LGMN: variants seen among roughly 807,000 people sequenced by gnomAD.
The protein encoded by LGMN is asparaginyl endopeptidase.
A neutral mutation model predicts 56.8 loss-of-function variants in LGMN; 36 were observed. The ratio of observed to expected loss-of-function variants is 0.63; its 90% CI spans 0.49 to 0.84. LGMN has a LOEUF of 0.84. Among genes scored for constraint, LGMN ranks in the 40% least tolerant of loss-of-function variants. The pLI, the probability that LGMN is intolerant of heterozygous loss-of-function variation, is 0.00. For missense variants in LGMN, 446 were observed against 556.1 expected, an observed-to-expected ratio of 0.80 and a Z score of 1.99; for synonymous variants, 199 against 210.1, an observed-to-expected ratio of 0.95 and a Z score of 0.46.
At chr14:92,708,855 T>TGAAAAAAAA (rs1889578533) in intron 11 of LGMN, among the ~76,000 whole-genome samples, 2 of 25,926 alleles carry the variant, frequency 7.7e-5, no homozygotes, top group African/African-American at 3.4e-4. Flanking sequence ...GACTCTTGTC[T>TGAAAAAAAA]CAAAAAAAAA....
chr14:92,744,673 A>G (rs1197662358), intron 1 of LGMN, among the ~76,000 whole-genome samples: 1 of 142,964 alleles, frequency 7.0e-6, no homozygotes, highest in African/African-American at 2.7e-5. Flanking sequence ...TTGGCTCACC[A>G]CAACCTCCAC....
At chr14:92,731,285 A>T (rs538650864) in intron 2 of LGMN, among the ~76,000 whole-genome samples, 3 of 152,328 alleles carry the variant, frequency 2.0e-5, no homozygotes, top group Admixed American at 1.3e-4. Flanking sequence ...ATGACTTTTT[A>T]AAAAAATAAC....
chr14:92,717,462 C>T lies in LGMN; in HGVS notation c.237-1G>A. The T allele has an allele frequency of 6.2e-7, 1 of 1,610,238 alleles. No individual in the cohort carries two copies. The highest frequency in any genetic ancestry group is 8.5e-7 in the Non-Finnish European group (1 of 1,176,590). On this transcript the variant is annotated splice_acceptor_variant, in intron 3 of 13. Transcript: ENST00000334869. LOFTEE classifies it high-confidence loss of function. ...GATCACAATTCCTGGAGTGGGATTG[C>T]TGAAAATTAAAGGACACAATTTAAA...
intron 7 of LGMN, among the ~76,000 whole-genome samples, 156 bp downstream of exon 7, chr14:92,713,667 G>A (rs574595061): frequency 8.5e-5 from 13 of 152,246 alleles, no homozygotes; most frequent in African/African-American, 2.2e-4. Flanking sequence ...AGCTAAAGCC[G>A]AAAGCCTCAT....
intron 11 of LGMN, among the ~76,000 whole-genome samples, chr14:92,707,080 A>C (rs1889471026): frequency 6.6e-6 from 1 of 152,118 alleles, no homozygotes. Context: ...ATCATAAAGA[A>C]GAAAATGCTT....
chr14:92,748,145 C>T (rs1891898818), intron 1 of LGMN, among the ~76,000 whole-genome samples: 1 of 152,106 alleles, frequency 6.6e-6, no homozygotes, highest in African/African-American at 2.4e-5. Flanking sequence ...AACCAAGCCC[C>T]AGTCCCAGTA....
At chr14:92,737,557 C>T (rs1009599359) in intron 1 of LGMN, among the ~76,000 whole-genome samples, 7 of 152,228 alleles carry the variant, frequency 4.6e-5, no homozygotes, top group African/African-American at 1.4e-4. Flanking sequence ...CAAGCTAACA[C>T]GTGGACACCC....
chr14:92,720,871 ATT>A (rs1323220980), intron 2 of LGMN, among the ~76,000 whole-genome samples: 1 of 151,784 alleles, frequency 6.6e-6, no homozygotes, highest in African/African-American at 2.4e-5. Flanking sequence ...GCCCAATGTC[ATT>A]TTTGTTTATT....
rs550647172 is a variant in LGMN, at chr14:92,743,482, A to T, written c.-30+5007T>A. Among the ~76,000 whole-genome samples, 104 of 151,188 alleles carry T rather than the reference A, an allele frequency of 6.9e-4. 1 individual carries two copies. The highest frequency in any genetic ancestry group is 8.8e-5 in the Non-Finnish European group (6 of 67,806). The stretch of plus-strand genomic sequence containing the variant: ...TGCCCCACTGCACTCCAGCCTGGGC[A>T]ACAAAGCGAGACTCCGTCTCAAAAA... On this transcript the variant is annotated intron_variant, in intron 1 of 13. Transcript: ENST00000334869.
At chr14:92,710,193 T>G (rs1217056115) in intron 10 of LGMN, among the ~76,000 whole-genome samples, 1 of 152,212 alleles carries the variant, frequency 6.6e-6, no homozygotes, top group Non-Finnish European at 1.5e-5. Flanking sequence ...ACAGCTCTGG[T>G]CCAAGCTCTG....
At chr14:92,719,437 G>T (rs1464011756) in intron 2 of LGMN, among the ~76,000 whole-genome samples, 1 of 151,066 alleles carries the variant, frequency 6.6e-6, no homozygotes, top group Non-Finnish European at 1.5e-5. Context: ...CACATATATA[G>T]GTAAGAAGGA....
rs1485444714 is a variant in LGMN at position 92,709,806 on chromosome 14, G to A, written c.886C>T (p.Leu296=). ...MKRKASSPVP[L]PPVTHLDLTP... is the part of the protein sequence containing the mutation. ...AGGTCAAGGTGTGTGACTGGAGGTA[G>A]GGGGACGGGAGAACTGGCTTTGCGT... Residue 296 remains leucine (L), a synonymous_variant, in exon 11 of 14, where the codon CTA becomes TTA. Transcript: ENST00000334869. 6.2e-7 allele frequency: 1 copy of A among 1,614,000 alleles called. No homozygotes were observed. Among genetic ancestry groups the A allele is most frequent in the Non-Finnish European group, 8.5e-7 (1 of 1,179,910 alleles).
intron 12 of LGMN, among the ~76,000 whole-genome samples, chr14:92,705,140 TC>T (rs1214636900): frequency 4.6e-5 from 7 of 152,170 alleles, no homozygotes; most frequent in African/African-American, 1.7e-4. Flanking sequence ...GAAACAAACT[TC>T]AGGGGAACCC....
At chr14:92,730,327 C>A (rs1457247051) in intron 2 of LGMN, among the ~76,000 whole-genome samples, 1 of 152,028 alleles carries the variant, frequency 6.6e-6, no homozygotes, top group South Asian at 2.1e-4. Flanking sequence ...AAAAACGATT[C>A]GAGAAATGAG....
In LGMN at chr14:92,748,598, A is replaced by G. The variant is rs1386968373; in HGVS notation, c.-139T>C. 6.5e-6 allele frequency: 1 copy of G among 153,474 alleles called. No individual in the cohort carries two copies. Among genetic ancestry groups the G allele is most frequent in the South Asian group, 1.8e-4 (1 of 5,692 alleles). 9.5% of individuals were successfully genotyped at this position (153,474 alleles called of 1,614,324 possible). ...CGCGGCGGCTCGCAGCCTCACACCA[A>G]ACACCCACGACGTCGGCACTGCTGT... On this transcript the variant is annotated 5_prime_UTR_variant, in exon 1 of 14. Coordinates refer to ENST00000334869, the MANE Select transcript of LGMN (RefSeq NM_005606.7).
At chr14:92,713,790 G>GC in intron 7 of LGMN, 33 bp downstream of exon 7, 2 of 1,510,510 alleles carry the variant, frequency 1.3e-6, no homozygotes, top group East Asian at 2.3e-5. Flanking sequence ...CACACCCCCC[G>GC]CCCCCACAAG....
At chr14:92,705,311 G>A (rs1889374078) in intron 12 of LGMN, among the ~76,000 whole-genome samples, 1 of 152,110 alleles carries the variant, frequency 6.6e-6, no homozygotes, top group Admixed American at 6.5e-5. Context: ...GGACCAGCCT[G>A]GACAACATGG....
At chr14:92,743,982 C>T (rs527890707) in intron 1 of LGMN, among the ~76,000 whole-genome samples, 7 of 151,212 alleles carry the variant, frequency 4.6e-5, no homozygotes, top group Middle Eastern at 3.4e-3. Flanking sequence ...GGTGAAACCC[C>T]GTCTCTACTA....
chr14:92,704,022 T>G lies in LGMN; in HGVS notation c.*297A>C. The G allele has an allele frequency of 1.5e-6, 1 of 688,158 alleles. No individual in the cohort carries two copies. Among genetic ancestry groups the G allele is most frequent in the South Asian group, 1.5e-5 (1 of 65,106 alleles). The allele number at this position is 688,158 out of a possible 1,614,324, so 42.6% of individuals were successfully genotyped here. On this transcript the variant is annotated 3_prime_UTR_variant, in exon 14 of 14. Transcript: ENST00000334869. ...TTGAGAGGGGCTACAGAAGCCCCCA[T>G]GAGCTTCCTGCTCCTCAAAACTAAC...
Sources: allele counts gnomAD v4.1 joint callset (sites outside exome capture counted in the v4.1 genomes callset), GRCh38; gene constraint gnomAD v4.1.1; transcripts MANE v1.5; gene names NCBI Gene and HGNC (gene_info 2026-07-23, HGNC 2026-07-21).